Variants in NELL1 observed in about 807,000 individuals in gnomAD.
The protein encoded by NELL1 is neural EGFL like 1, also known as protein kinase C-binding protein NELL1.
Under a neutral mutation model 107.4 loss-of-function variants are expected in NELL1, and 76 were observed. That is an observed-to-expected ratio of 0.71 (90% CI 0.59 to 0.86). NELL1 has a LOEUF of 0.86. Among genes scored for constraint, NELL1 ranks in the 40% least tolerant of loss-of-function variants. The probability of loss-of-function intolerance (pLI) is 0.00; values close to 1 mark genes in which losing one functional copy is unlikely to be tolerated. For synonymous variants in NELL1, 353 were observed against 341.2 expected (o/e 1.03, Z -0.38); for missense variants, 1,024 against 1,005.5 (o/e 1.02, Z -0.25).
chr11:21,444,163 T>C (rs1853360875), intron 15 of NELL1, among the ~76,000 whole-genome samples: 1 of 152,138 alleles, frequency 6.6e-6, no homozygotes, highest in African/African-American at 2.4e-5. Context: ...CTTAACAGGG[T>C]ATTATGAATG....
chr11:20,943,372 C>T (rs956955709), intron 10 of NELL1, among the ~76,000 whole-genome samples: 14 of 151,922 alleles, frequency 9.2e-5, no homozygotes, highest in African/African-American at 2.9e-4. Flanking sequence ...ATCACGAGGT[C>T]AGGAGATTGA....
rs188932248 is a variant in NELL1, at chr11:21,492,733, T to C, written c.1646-41641T>C. 0.025 allele frequency among the ~76,000 whole-genome samples: 2,584 copies of C among 103,816 alleles called. 238 individuals are homozygous for C. The East Asian group carries it at 0.34, about 14-fold the overall frequency. The allele number at this position is 103,816 out of a possible 152,430, so 68.1% of individuals were successfully genotyped here. On this transcript the variant is annotated intron_variant, in intron 15 of 19. Coordinates refer to ENST00000357134, the MANE Select transcript of NELL1 (RefSeq NM_006157.5). ...ACATAGGAAGGGGAACATCACACTC[T>C]GGGGACTGTTGTGGGGTGGGGGGAG...
chr11:21,125,635 G>T (rs1015488881), intron 13 of NELL1, among the ~76,000 whole-genome samples: 19 of 152,178 alleles, frequency 1.2e-4, no homozygotes, highest in African/African-American at 4.6e-4. Context: ...ATGGGAAAGA[G>T]CATTGGTACT....
intron 13 of NELL1, among the ~76,000 whole-genome samples, chr11:21,227,154 CCTTTTGCAAGAGGA>C (rs1477563649): frequency 9.2e-5 from 14 of 152,264 alleles, no homozygotes; most frequent in Non-Finnish European, 2.9e-5. Context: ...TAAAATATTA[CCTTTTGCAAGAGGA>C]CTTTTCTCTT....
intron 12 of NELL1, among the ~76,000 whole-genome samples, chr11:21,011,193 C>A (rs572878035): frequency 2.0e-5 from 3 of 152,042 alleles, no homozygotes; most frequent in Non-Finnish European, 4.4e-5. Context: ...AGAAATCAAC[C>A]CAAGAATATC....
intron 12 of NELL1, among the ~76,000 whole-genome samples, chr11:21,070,967 C>T (rs548154835): frequency 1.9e-4 from 29 of 152,306 alleles, no homozygotes; most frequent in African/African-American, 6.7e-4. Context: ...ACAAACACAT[C>T]TCCCATTGTA....
chr11:20,742,758 G>C (rs1321297031), intron 2 of NELL1, among the ~76,000 whole-genome samples: 1 of 152,116 alleles, frequency 6.6e-6, no homozygotes, highest in South Asian at 2.1e-4. Flanking sequence ...TGACATGTGG[G>C]AATTATGGGA....
intron 15 of NELL1, among the ~76,000 whole-genome samples, chr11:21,402,728 A>T (rs896936600): frequency 6.6e-6 from 1 of 151,456 alleles, no homozygotes; most frequent in South Asian, 2.1e-4. Context: ...ATTCGAGTAA[A>T]TAAGCTTTAT....
At chr11:20,762,829 A>G (rs1044964845) in intron 2 of NELL1, among the ~76,000 whole-genome samples, 1 of 152,098 alleles carries the variant, frequency 6.6e-6, no homozygotes, top group African/African-American at 2.4e-5. Context: ...ATCATTTGGT[A>G]TGCCTGGTAT....
chr11:20,691,095 G>T (rs1854453279), intron 2 of NELL1, among the ~76,000 whole-genome samples: 2 of 151,708 alleles, frequency 1.3e-5, no homozygotes, highest in East Asian at 1.9e-4. Flanking sequence ...GTCTGTTATT[G>T]GTGTATAAGA....
At chr11:21,034,816 A>G (rs1853048693) in intron 12 of NELL1, among the ~76,000 whole-genome samples, 1 of 152,176 alleles carries the variant, frequency 6.6e-6, no homozygotes, top group African/African-American at 2.4e-5. Flanking sequence ...TTAACCTAAC[A>G]TCACAACAAA....
chr11:20,734,535 G>A (rs1433492912), intron 2 of NELL1, among the ~76,000 whole-genome samples: 1 of 152,092 alleles, frequency 6.6e-6, no homozygotes, highest in Non-Finnish European at 1.5e-5. Flanking sequence ...ACAACAGGAT[G>A]GATTGGATGT....
chr11:21,335,617 C>T (rs889754921), intron 14 of NELL1, among the ~76,000 whole-genome samples: 2 of 152,044 alleles, frequency 1.3e-5, no homozygotes, highest in Non-Finnish European at 2.9e-5. Context: ...TGGATCCCCA[C>T]TGTCAGGGCA....
chr11:21,492,394 G>A (rs1854846084), intron 15 of NELL1, among the ~76,000 whole-genome samples: 1 of 152,048 alleles, frequency 6.6e-6, no homozygotes, highest in Non-Finnish European at 1.5e-5. Context: ...CCCATTTACT[G>A]GGTATATACC....
At chr11:21,442,646 T>A (rs1853313695) in intron 15 of NELL1, among the ~76,000 whole-genome samples, 1 of 152,228 alleles carries the variant, frequency 6.6e-6, no homozygotes, top group Non-Finnish European at 1.5e-5. Context: ...CTTATGTGCA[T>A]GGAACTTTGC....
At chr11:20,816,721 T>A (rs762453638) in intron 3 of NELL1, among the ~76,000 whole-genome samples, 1 of 152,196 alleles carries the variant, frequency 6.6e-6, no homozygotes, top group African/African-American at 2.4e-5. Context: ...TTATTCCAGT[T>A]CTTAAAGGGA....
At chr11:21,222,375 T>C (rs536759324) in intron 13 of NELL1, among the ~76,000 whole-genome samples, 1 of 151,614 alleles carries the variant, frequency 6.6e-6, no homozygotes, top group Non-Finnish European at 1.5e-5. Context: ...ATTTTTTTTT[T>C]TTAGTAGAGA....
At chr11:20,927,716 G>C (rs1850530511) in intron 8 of NELL1, among the ~76,000 whole-genome samples, 1 of 152,214 alleles carries the variant, frequency 6.6e-6, no homozygotes. Context: ...TTGGGATATA[G>C]TGGAAAGAAG....
chr11:20,703,472 T>C (rs1480555664), intron 2 of NELL1, among the ~76,000 whole-genome samples: 1 of 152,240 alleles, frequency 6.6e-6, no homozygotes, highest in Admixed American at 6.5e-5. Context: ...CATTGGTTTT[T>C]TTGAAGGTTT....
Sources: gnomAD v4.1 joint callset for allele counts (sites outside exome capture counted in the v4.1 genomes callset) on GRCh38, gnomAD v4.1.1 for gene constraint, MANE v1.5 for transcripts, NCBI Gene and HGNC (gene_info 2026-07-23, HGNC 2026-07-21) for gene names.